The following EMC1 variants were observed in gnomAD, a reference collection of about 807,000 sequenced individuals.
The protein encoded by EMC1 is ER membrane protein complex subunit 1.
A neutral mutation model predicts 128.8 loss-of-function variants in EMC1; 103 were observed. That is an observed-to-expected ratio of 0.80 (90% CI 0.68 to 0.94). The LOEUF (loss-of-function observed/expected upper bound fraction) is 0.94, where lower values mean the gene tolerates loss of function less well. Among genes scored for constraint, EMC1 ranks in the 40% least tolerant of loss-of-function variants. The pLI, the probability that EMC1 is intolerant of heterozygous loss-of-function variation, is 0.00. For synonymous variants in EMC1, 442 were observed against 490.4 expected (o/e 0.90, Z 1.30); for missense variants, 1,083 against 1,250.6 (o/e 0.87, Z 2.02).
At chr1:19,232,820 AAGAACTG>A (rs764259800) in intron 14 of EMC1, 47 bp from the exon 15 acceptor site, 39 of 1,612,652 alleles carry the variant, frequency 2.4e-5, no homozygotes, top group Middle Eastern at 1.6e-4. Context: ...AGAGAAACCA[AAGAACTG>A]AGTCTGTCCT....
intron 8 of EMC1, 112 bp downstream of exon 8, chr1:19,239,706 A>G: frequency 9.0e-7 from 1 of 1,109,210 alleles, no homozygotes; most frequent in Non-Finnish European, 1.3e-6. Flanking sequence ...GGAAGGTGTC[A>G]TCAATCTTGG....
At position 19,216,531 on chromosome 1, in the gene EMC1, C is replaced by T. The variant is rs2093397909; in HGVS notation, c.*2772G>A. ...TAAGTATATGTACCTAATATGTACC[C>T]ACAAAAAATTTAAATAAAAAACTTT... On this transcript the variant is annotated 3_prime_UTR_variant, in exon 23 of 23. Coordinates refer to ENST00000477853, the MANE Select transcript of EMC1 (RefSeq NM_015047.3). The T allele has an allele frequency of 6.6e-6, 1 of 151,926 alleles. No individual in the cohort carries two copies. Among genetic ancestry groups the T allele is most frequent in the South Asian group, 2.1e-4 (1 of 4,822 alleles). The allele number at this position is 151,926 out of a possible 1,614,324, so 9.4% of individuals were successfully genotyped here. A position where few individuals can be genotyped will look rare whatever the true frequency, so the allele number is the denominator to read the frequency against.
At chr1:19,251,224 TG>T (rs1445495713) in intron 1 of EMC1, among the ~76,000 whole-genome samples, 190 bp downstream of exon 1, 1 of 152,312 alleles carries the variant, frequency 6.6e-6, no homozygotes, top group Non-Finnish European at 1.5e-5. Flanking sequence ...CCCTAACACT[TG>T]GTTTAAGGCT....
intron 18 of EMC1, among the ~76,000 whole-genome samples, 175 bp downstream of exon 18, chr1:19,227,138 A>G (rs1187194457): frequency 1.3e-5 from 2 of 152,234 alleles, no homozygotes; most frequent in Non-Finnish European, 2.9e-5. Flanking sequence ...GATCATCACA[A>G]CAAGCCCAGG....
chr1:19,220,561 C>T (rs1193035435), intron 21 of EMC1: 1 of 436,474 alleles, frequency 2.3e-6, no homozygotes, highest in Non-Finnish European at 4.1e-6. Flanking sequence ...ATATATTTTA[C>T]TTGTTTATCT....
Position 19,240,357 on chromosome 1 carries a change from T to C in EMC1, c.726A>G (p.Ser242=), listed in dbSNP as rs1043409551. 4 of 1,614,046 alleles carry C rather than the reference T, an allele frequency of 2.5e-6. No homozygotes were observed. Among genetic ancestry groups the C allele is most frequent in the South Asian group, 2.2e-5 (2 of 91,096 alleles). ...EAVLVCPDPS[S]RSLQTLALET... ...CCAGAGCCAAAGTTTGGAGGGAACG[T>C]GAGCTCGGGTCAGGACACACCAGGA... Residue 242 remains serine, a synonymous_variant, in exon 7 of 23, where the codon TCA becomes TCG. Transcript: ENST00000477853.
At chr1:19,241,303 T>C (rs2093604099) in intron 5 of EMC1, among the ~76,000 whole-genome samples, 161 bp from the exon 6 acceptor site, 1 of 152,218 alleles carries the variant, frequency 6.6e-6, no homozygotes, top group Non-Finnish European at 1.5e-5. Context: ...TTGTTCTTAA[T>C]TTGAATTAGT....
At chr1:19,242,622 CTT>C (rs1411410789) in intron 4 of EMC1, 149 bp from the exon 5 acceptor site, 12 of 814,958 alleles carry the variant, frequency 1.5e-5, no homozygotes, top group African/African-American at 5.2e-5. Flanking sequence ...GGCTCTGCCT[CTT>C]GTTAGTCAAC....
chr1:19,227,568 T>A, intron 17 of EMC1, 118 bp from the exon 18 acceptor site: 18 of 1,204,188 alleles, frequency 1.5e-5, no homozygotes, highest in Non-Finnish European at 2.0e-5. Flanking sequence ...GGAATAGAGA[T>A]CAGAACTAGA....
chr1:19,244,952 T>G lies in EMC1; in HGVS notation c.174A>C (p.Thr58=), dbSNP rs140315410. 24 of 1,613,984 alleles carry G rather than the reference T, an allele frequency of 1.5e-5. No homozygotes were observed. The East Asian group carries it at 5.3e-4, about 36-fold the overall frequency. The change falls in exon 2 of 23, where the codon ACA becomes ACC. Residue 58 remains threonine, a synonymous_variant. Transcript: ENST00000477853. ...TTAATGCTGCAATCACATTCTTCTCTGTGGCTACAACCAACTTCTTGGATC... is the reference window on the plus strand; with the variant it reads ...TTAATGCTGCAATCACATTCTTCTCGGTGGCTACAACCAACTTCTTGGATC... ...SPGSKKLVVA[T]EKNVIAALNS...
intron 20 of EMC1, chr1:19,221,082 T>C (rs903894630): frequency 2.7e-5 from 10 of 369,696 alleles, no homozygotes; most frequent in Non-Finnish European, 2.9e-5. Flanking sequence ...AATAAAGTTC[T>C]AGAATCAAGA....
chr1:19,239,849 C>T lies in EMC1; in HGVS notation c.923G>A (p.Gly308Glu). ...GAAGTTTTTAAGCAAACTCAGCGTT[C>T]CATAATGGTACTGCAGCAGAGCATA... ...SHYALLQYHY[G>E]TLSLLKNFPQ... The change falls in exon 8 of 23, where the codon GGA becomes GAA. Residue 308 changes from glycine (G) to glutamate (E), a missense_variant. Gly to Glu is a moderately conservative substitution (Grantham distance 98, BLOSUM62 -2). Coordinates refer to ENST00000477853, the MANE Select transcript of EMC1 (RefSeq NM_015047.3). The T allele has an allele frequency of 6.2e-7, 1 of 1,613,876 alleles. No homozygotes were observed. The highest frequency in any genetic ancestry group is 2.2e-5 in the East Asian group (1 of 44,878).
rs2093618217 is a variant in EMC1 at position 19,243,664 on chromosome 1, C to T, written c.330G>A (p.Trp110Ter). ...VSNGGRIMRS[W>*]ETNIGGLNWE... ...AGTTCAGGCCCCCGATGTTAGTCTC[C>T]CAGGAACGCATGATTCGGCCTCCAT... The change falls in exon 4 of 23, where the codon TGG (tryptophan) becomes TGA (stop). Residue 110 changes from tryptophan to a stop codon, truncating the protein, a stop_gained. Transcript: ENST00000477853. LOFTEE classifies it high-confidence loss of function. 4 of 1,614,048 alleles carry T rather than the reference C, an allele frequency of 2.5e-6. No homozygotes were observed. Among genetic ancestry groups the T allele is most frequent in the Non-Finnish European group, 3.4e-6 (4 of 1,180,044 alleles).
At chr1:19,244,787 C>T in intron 2 of EMC1, 119 bp downstream of exon 2, 2 of 1,147,212 alleles carry the variant, frequency 1.7e-6, no homozygotes, top group South Asian at 1.4e-5. Flanking sequence ...TCAGAATCCA[C>T]TAGGAGAGGC....
At chr1:19,223,254 G>A in intron 19 of EMC1, 142 bp downstream of exon 19, 1 of 751,024 alleles carries the variant, frequency 1.3e-6, no homozygotes, top group South Asian at 1.8e-5. Flanking sequence ...CCTGAGCCCA[G>A]TGCCCTAACC....
rs373222910 is a variant in EMC1, at chr1:19,220,787, G to C, written c.2649C>G (p.Pro883=). Residue 883 remains proline, a synonymous_variant, in exon 21 of 23, where the codon CCC becomes CCG. Transcript: ENST00000477853. ...ACCTGCTTTGTTCTGTTGGGATCTC[G>C]GGGCGGCGGGGATCCAGCAAAGCCT... is the stretch of plus-strand genomic sequence containing the variant. The part of the protein sequence containing the change: ...LPKALLDPRR[P]EIPTEQSREE... 25 of 1,613,534 alleles carry C rather than the reference G, an allele frequency of 1.5e-5. No individual in the cohort carries two copies. Among genetic ancestry groups the C allele is most frequent in the Non-Finnish European group, 2.1e-5 (25 of 1,179,852 alleles).
chr1:19,220,121 T>C (rs954061029), intron 21 of EMC1: 5 of 184,976 alleles, frequency 2.7e-5, no homozygotes, highest in East Asian at 1.4e-4. Context: ...CTCTCTCTCA[T>C]ATACTTCTCC....
At chr1:19,238,312 A>C (rs569883395) in intron 10 of EMC1, among the ~76,000 whole-genome samples, 173 bp from the exon 11 acceptor site, 53 of 152,350 alleles carry the variant, frequency 3.5e-4, no homozygotes, top group Non-Finnish European at 6.3e-4. Flanking sequence ...GGCAGAAATA[A>C]GGTGCCTGAG....
chr1:19,227,691 A>AC (rs1382413741), intron 17 of EMC1, among the ~76,000 whole-genome samples: 7 of 152,052 alleles, frequency 4.6e-5, no homozygotes, highest in African/African-American at 1.7e-4. Context: ...ACATGGCCAA[A>AC]CCCCATCTCT....
Sources: gnomAD v4.1 joint callset for allele counts (sites outside exome capture counted in the v4.1 genomes callset) on GRCh38, gnomAD v4.1.1 for gene constraint, MANE v1.5 for transcripts, NCBI Gene and HGNC (gene_info 2026-07-23, HGNC 2026-07-21) for gene names.